TMEM39A: variants seen among roughly 807,000 people sequenced by gnomAD.
The protein encoded by TMEM39A is suppressor of SQST-1 aggregates in rpl-43 mutants.
Under a neutral mutation model 51.9 loss-of-function variants are expected in TMEM39A, and 19 were observed. The observed-to-expected ratio is 0.37, with a 90% CI of 0.26 to 0.54. TMEM39A has a LOEUF of 0.54. TMEM39A is among the 20% of genes least tolerant of loss of function. TMEM39A has a pLI of 0.88. For synonymous variants in TMEM39A, 197 were observed against 220.2 expected (o/e 0.89, Z 0.93); for missense variants, 433 against 590.5 (o/e 0.73, Z 2.76).
At chr3:119,435,588 A>G in intron 7 of TMEM39A, 1 of 983,562 alleles carries the variant, frequency 1.0e-6, no homozygotes. Flanking sequence ...AAAAAAAAAA[A>G]AAAAAATCTA....
rs1029823582 is a variant in TMEM39A at position 119,435,550 on chromosome 3, G to A, written c.1113-668C>T. ...TTCCAGCATAATGGAGTTTGGGTGG[G>A]GACAGGGATCTTCAGGTTAAGCTTT... On this transcript the variant is annotated intron_variant, in intron 7 of 8. Transcript: ENST00000319172. 11 of 984,042 alleles carry A rather than the reference G, an allele frequency of 1.1e-5. 1 individual carries two copies. The Admixed American group carries it at 3.1e-4, about 28-fold the overall frequency. 61.0% of individuals were successfully genotyped at this position (984,042 alleles called of 1,614,324 possible). A position where few individuals can be genotyped will look rare whatever the true frequency, so the allele number is the denominator to read the frequency against.
rs147108676 is a variant in TMEM39A at position 119,451,427 on chromosome 3, T to C, written c.420+1020A>G. The C allele has an allele frequency of 9.1e-3, 5,428 of 596,966 alleles. 187 individuals carry two copies. The highest frequency in any genetic ancestry group is 0.068 in the South Asian group (4,108 of 60,530). The allele number at this position is 596,966 out of a possible 1,614,324, so 37.0% of individuals were successfully genotyped here. On this transcript the variant is annotated intron_variant, in intron 4 of 8. Transcript: ENST00000319172. ...TTATAAGTTCCAAGATTAAAATTAT[T>C]AGCCACTTCAGCTAAATTAACATTT...
At chr3:119,435,299 A>G (rs768464652) in intron 7 of TMEM39A, 14 of 985,420 alleles carry the variant, frequency 1.4e-5, no homozygotes, top group Non-Finnish European at 1.6e-5. Flanking sequence ...AAATTAGCAC[A>G]TTGTCAATCT....
At position 119,432,018 on chromosome 3, in the gene TMEM39A, G is replaced by A; in HGVS notation, c.1430C>T (p.Ser477Phe). 1 of 1,612,808 alleles carries A rather than the reference G, an allele frequency of 6.2e-7. No individual in the cohort carries two copies. Residue 477 changes from serine (S) to phenylalanine (F), a missense_variant, in exon 9 of 9, where the codon TCC becomes TTC. This residue lies in a region of TMEM39A where 223 missense variants were observed against 328.1 expected (regional missense o/e 0.68). Transcript: ENST00000319172. ...GAGTTCATAACTGTTGAGTGGGTAGGAGTATGCCCTGCCTAATACTATTCT... is the reference window on the plus strand; with the variant it reads ...GAGTTCATAACTGTTGAGTGGGTAGAAGTATGCCCTGCCTAATACTATTCT... ...RDRIVLGRAY[S>F]YPLNSYELKA...
At chr3:119,434,542 C>G (rs1032793430) in intron 8 of TMEM39A, among the ~76,000 whole-genome samples, 7 of 152,040 alleles carry the variant, frequency 4.6e-5, no homozygotes, top group African/African-American at 9.7e-5. Flanking sequence ...ACTAGAGAAA[C>G]CAGCTAAGCT....
intron 2 of TMEM39A, among the ~76,000 whole-genome samples, chr3:119,461,091 C>A (rs1211769334): frequency 6.6e-6 from 1 of 152,072 alleles, no homozygotes; most frequent in Non-Finnish European, 1.5e-5. Context: ...ATAAGGAAAT[C>A]CAACGAACGG....
At chr3:119,459,612 T>C (rs2081312233) in intron 2 of TMEM39A, among the ~76,000 whole-genome samples, 1 of 152,134 alleles carries the variant, frequency 6.6e-6, no homozygotes, top group Non-Finnish European at 1.5e-5. Flanking sequence ...ATACTTTAAA[T>C]ACACTGTTGC....
In TMEM39A at chr3:119,434,728, A is replaced by C. The variant is rs1429490977; in HGVS notation, c.1233+34T>G. The stretch of plus-strand genomic sequence containing the variant: ...AGTGGCCTCCTAACACTTACCCCTA[A>C]GCTTATGTTTGAAAATAAATAAGCG... On this transcript the variant is annotated intron_variant, in intron 8 of 8. Coordinates refer to ENST00000319172, the MANE Select transcript of TMEM39A (RefSeq NM_018266.3). 1.9e-6 allele frequency: 3 copies of C among 1,611,300 alleles called. No homozygotes were observed. In the African/African-American group the frequency reaches 4.0e-5, roughly 22 times the overall value.
chr3:119,439,303 A>G (rs2081017349), intron 5 of TMEM39A, among the ~76,000 whole-genome samples: 2 of 152,188 alleles, frequency 1.3e-5, no homozygotes, highest in South Asian at 4.1e-4. Flanking sequence ...ATTTAGGGCC[A>G]GGGACAGTCC....
At chr3:119,432,253 A>G in intron 8 of TMEM39A, 39 bp from the exon 9 acceptor site, 1 of 1,415,186 alleles carries the variant, frequency 7.1e-7, no homozygotes, top group Non-Finnish European at 9.7e-7. Context: ...TATTTCATAG[A>G]AAAGTAATGG....
chr3:119,462,432 T>A (rs1039745098), intron 1 of TMEM39A, among the ~76,000 whole-genome samples: 1 of 152,178 alleles, frequency 6.6e-6, no homozygotes, highest in African/African-American at 2.4e-5. Flanking sequence ...AATAGAAGTT[T>A]ACAAGAAACA....
At chr3:119,444,497 T>G (rs1250945855) in intron 5 of TMEM39A, among the ~76,000 whole-genome samples, 2 of 152,214 alleles carry the variant, frequency 1.3e-5, no homozygotes, top group Admixed American at 1.3e-4. Flanking sequence ...GTTTAAACAA[T>G]GTAATCAGAC....
At chr3:119,437,561 A>C (rs2080987281) in intron 6 of TMEM39A, among the ~76,000 whole-genome samples, 194 bp downstream of exon 6, 1 of 151,600 alleles carries the variant, frequency 6.6e-6, no homozygotes, top group Non-Finnish European at 1.5e-5. Flanking sequence ...GGGAACCACC[A>C]CGGGTGCATC....
chr3:119,447,523 TC>T (rs1386107787), intron 4 of TMEM39A, among the ~76,000 whole-genome samples: 1 of 152,192 alleles, frequency 6.6e-6, no homozygotes, highest in African/African-American at 2.4e-5. Flanking sequence ...ACATGTAAAC[TC>T]CTAACAACTT....
chr3:119,447,277 T>C, intron 4 of TMEM39A, 105 bp from the exon 5 acceptor site: 8 of 1,196,422 alleles, frequency 6.7e-6, no homozygotes, highest in Non-Finnish European at 9.2e-6. Context: ...CTAAAATGTG[T>C]CTTTAAAAAG....
intron 5 of TMEM39A, among the ~76,000 whole-genome samples, chr3:119,439,863 G>T (rs2081027109): frequency 6.6e-6 from 1 of 152,014 alleles, no homozygotes; most frequent in South Asian, 2.1e-4. Flanking sequence ...AACTTCTTGG[G>T]CTCACGCAAT....
intron 3 of TMEM39A, among the ~76,000 whole-genome samples, chr3:119,456,380 C>T (rs947211826): frequency 3.9e-5 from 6 of 152,244 alleles, no homozygotes; most frequent in Middle Eastern, 3.4e-3. Flanking sequence ...ATTAAGTAGA[C>T]AGGAGGTCAA....
intron 4 of TMEM39A, among the ~76,000 whole-genome samples, chr3:119,449,680 T>C (rs1162909020): frequency 6.6e-6 from 1 of 152,108 alleles, no homozygotes; most frequent in Admixed American, 6.5e-5. Context: ...AATTTTTAAA[T>C]GTCCTGCTTT....
At chr3:119,460,128 AAAC>A (rs2081318847) in intron 2 of TMEM39A, among the ~76,000 whole-genome samples, 1 of 152,114 alleles carries the variant, frequency 6.6e-6, no homozygotes, top group South Asian at 2.1e-4. Context: ...TTCAAACCAT[AAAC>A]AATTATTTCT....
Sources: gnomAD v4.1 joint callset for allele counts (sites outside exome capture counted in the v4.1 genomes callset) on GRCh38, gnomAD v4.1.1 for gene constraint, gnomAD v4.1.1 regional missense constraint, MANE v1.5 for transcripts, NCBI Gene and HGNC (gene_info 2026-07-23, HGNC 2026-07-21) for gene names.